KDM1B: variants seen among roughly 807,000 people sequenced by gnomAD.
The protein encoded by KDM1B is lysine demethylase 1B.
A neutral mutation model predicts 107.4 loss-of-function variants in KDM1B; 63 were observed. That is an observed-to-expected ratio of 0.59 (90% CI 0.48 to 0.72). The LOEUF (loss-of-function observed/expected upper bound fraction) is 0.72, where lower values mean the gene tolerates loss of function less well. Among genes scored for constraint, KDM1B ranks in the 30% least tolerant of loss-of-function variants. The pLI, the probability that KDM1B is intolerant of heterozygous loss-of-function variation, is 0.00. For missense variants in KDM1B, 749 were observed against 1,020.8 expected, an observed-to-expected ratio of 0.73 and a Z score of 3.63; for synonymous variants, 363 against 363.9, an observed-to-expected ratio of 1.00 and a Z score of 0.03.
At position 18,187,880 on chromosome 6, in the gene KDM1B, C is replaced by T; in HGVS notation, c.662C>T (p.Ser221Phe). ...LKDSVAAPLL[S>F]AYYPDCVGMS... ...GACAGTGTGGCAGCGCCCCTGCTGT[C>T]TGCCTACTACCCTGACTGTGTTGGC... The change falls in exon 9 of 22, where the codon TCT becomes TTT. Residue 221 changes from serine (S) to phenylalanine (F), a missense_variant. By Grantham distance (155) the Ser-to-Phe change is radical. Coordinates refer to ENST00000650836, the MANE Select transcript of KDM1B (RefSeq NM_001364614.2). 6.4e-7 allele frequency: 1 copy of T among 1,550,426 alleles called. No homozygotes were observed. The highest frequency in any genetic ancestry group is 8.7e-7 in the Non-Finnish European group (1 of 1,146,914).
chr6:18,156,778 G>C (rs533542742), intron 2 of KDM1B, among the ~76,000 whole-genome samples: 30 of 152,038 alleles, frequency 2.0e-4, no homozygotes, highest in Admixed American at 1.6e-3. Context: ...TTAGCCGGAC[G>C]TGGTGGCACA....
rs753853802 is a variant in KDM1B at position 18,185,726 on chromosome 6, A to G, written c.535-46A>G. On this transcript the variant is annotated intron_variant, in intron 7 of 21. Coordinates refer to ENST00000650836, the MANE Select transcript of KDM1B (RefSeq NM_001364614.2). ...TGAAGATAAATGGATACCTGAGACT[A>G]TATTTTATAAGCAACCCTAATTTAA... is the stretch of plus-strand genomic sequence containing the variant. 5.8e-6 allele frequency: 9 copies of G among 1,546,786 alleles called. No homozygotes were observed. In the South Asian group the frequency reaches 6.7e-5, roughly 11 times the overall value.
At position 18,201,873 on chromosome 6, in the gene KDM1B, A is replaced by G. The variant is rs913445269; in HGVS notation, c.1531+216A>G. Among the ~76,000 whole-genome samples, 6 of 152,234 alleles carry G rather than the reference A, an allele frequency of 3.9e-5. No individual in the cohort carries two copies. The highest frequency in any genetic ancestry group is 8.8e-5 in the Non-Finnish European group (6 of 68,034). On this transcript the variant is annotated intron_variant, in intron 14 of 21. Coordinates refer to ENST00000650836, the MANE Select transcript of KDM1B (RefSeq NM_001364614.2). This position sits in a 1 kb window ranked among gnomAD's most constrained non-coding sequence, Gnocchi z 4.3. ...TTGTGTTGTGTACACACACACACAC[A>G]GACCTTACTTTACACAATAGCTGGT... is the stretch of plus-strand genomic sequence containing the variant.
In KDM1B at chr6:18,201,658, G is replaced by A; in HGVS notation, c.1531+1G>A. The A allele has an allele frequency of 6.5e-7, 1 of 1,545,892 alleles. No homozygotes were observed. The highest frequency in any genetic ancestry group is 8.7e-7 in the Non-Finnish European group (1 of 1,145,316). On this transcript the variant is annotated splice_donor_variant, in intron 14 of 21. Transcript: ENST00000650836. LOFTEE classifies it high-confidence loss of function. This position sits in a 1 kb window ranked among gnomAD's most constrained non-coding sequence, Gnocchi z 4.3. ...CAGCTCCAAGATGTCCCTTTAGGAG[G>A]TATGGGGAGAACGGTGTTCTGATTG...
intron 7 of KDM1B, among the ~76,000 whole-genome samples, chr6:18,179,257 T>C (rs889115753): frequency 6.6e-5 from 10 of 152,204 alleles, no homozygotes; most frequent in Non-Finnish European, 1.5e-4. Flanking sequence ...AATCCATTTG[T>C]TTTTAATATA....
Position 18,170,997 on chromosome 6 carries a change from T to C in KDM1B, c.418-366T>C, listed in dbSNP as rs970256233. ...CACCACGCCTGGCTAACTTTTTGTA[T>C]TTTTAGTAGAGACGGGGTTTCACCG... On this transcript the variant is annotated intron_variant, in intron 6 of 21. Coordinates refer to ENST00000650836, the MANE Select transcript of KDM1B (RefSeq NM_001364614.2). 3.3e-5 allele frequency among the ~76,000 whole-genome samples: 5 copies of C among 152,044 alleles called. No individual in the cohort carries two copies. In the East Asian group the frequency reaches 9.7e-4, roughly 29 times the overall value.
chr6:18,170,981 T>G (rs1248176862), intron 6 of KDM1B, among the ~76,000 whole-genome samples: 1 of 152,024 alleles, frequency 6.6e-6, no homozygotes, highest in Admixed American at 6.6e-5. Flanking sequence ...CCACCACGCC[T>G]GGCTAACTTT....
In KDM1B at chr6:18,200,311, T is replaced by G; in HGVS notation, c.1222-128T>G. On this transcript the variant is annotated intron_variant, in intron 12 of 21. Transcript: ENST00000650836. The surrounding 1 kb of genome is among the most constrained non-coding windows in gnomAD (Gnocchi z 4.3). Reference sequence around the variant, plus strand: ...ACACTGCCTGCTTTTTAAAGTTGTTTTTTTAGAAATATTTGGAATTAACCA... The same window carrying G: ...ACACTGCCTGCTTTTTAAAGTTGTTGTTTTAGAAATATTTGGAATTAACCA... The G allele has an allele frequency of 1.0e-6, 1 of 985,560 alleles. No homozygotes were observed. Among genetic ancestry groups the G allele is most frequent in the Middle Eastern group, 3.3e-4 (1 of 3,062 alleles). 61.1% of individuals were successfully genotyped at this position (985,560 alleles called of 1,614,324 possible).
At chr6:18,198,121 C>T (rs1010639909) in intron 12 of KDM1B, among the ~76,000 whole-genome samples, 1 of 151,944 alleles carries the variant, frequency 6.6e-6, no homozygotes, top group Non-Finnish European at 1.5e-5. Flanking sequence ...GTCTTGAACT[C>T]CTGACCTCAA....
At chr6:18,161,546 A>G (rs1784972957) in intron 4 of KDM1B, 92 bp downstream of exon 4, 1 of 1,322,242 alleles carries the variant, frequency 7.6e-7, no homozygotes, top group African/African-American at 1.5e-5. Flanking sequence ...TCCTAAAGAT[A>G]GATACAGATA....
In KDM1B at chr6:18,217,734, A is replaced by G; in HGVS notation, c.2234A>G (p.Glu745Gly). Residue 745 changes from glutamate (E) to glycine (G), a missense_variant and splice_region_variant, in exon 21 of 22, where the codon GAG becomes GGG. By Grantham distance (98) the Glu-to-Gly change is moderately conservative. Transcript: ENST00000650836. Reference sequence around the variant, plus strand: ...ATAATTCCTTTCTATTGGACATAGGAGGTCCCAGATCCCACAAAGTATTTT... The same window carrying G: ...ATAATTCCTTTCTATTGGACATAGGGGGTCCCAGATCCCACAAAGTATTTT... Reference protein sequence around the residue: ...ATLRELFKEQEVPDPTKYFVT... With the variant: ...ATLRELFKEQGVPDPTKYFVT... The G allele has an allele frequency of 6.2e-7, 1 of 1,610,932 alleles. No individual in the cohort carries two copies. Among genetic ancestry groups the G allele is most frequent in the Non-Finnish European group, 8.5e-7 (1 of 1,179,028 alleles).
chr6:18,213,597 A>G lies in KDM1B; in HGVS notation c.1984-59A>G. On this transcript the variant is annotated intron_variant, in intron 18 of 21. Coordinates refer to ENST00000650836, the MANE Select transcript of KDM1B (RefSeq NM_001364614.2). This position sits in a 1 kb window ranked among gnomAD's most constrained non-coding sequence, Gnocchi z 5.9. ...TAGAGCTACAGGTTGCTGCTTAGAT[A>G]TTGCCTGTGGTTTTGTGACGACAGA... is the stretch of plus-strand genomic sequence containing the variant. 6.3e-7 allele frequency: 1 copy of G among 1,597,030 alleles called. No individual in the cohort carries two copies. Among genetic ancestry groups the G allele is most frequent in the African/African-American group, 1.3e-5 (1 of 74,610 alleles).
At chr6:18,161,522 C>G in intron 4 of KDM1B, 68 bp downstream of exon 4, 1 of 1,546,550 alleles carries the variant, frequency 6.5e-7, no homozygotes. Flanking sequence ...AAACATCATC[C>G]TTGTAGATAG....
Position 18,184,273 on chromosome 6 carries a change from C to CTTCTTTTTTTTTTTTTTT in KDM1B, c.535-1497_535-1496insCTTTTTTTTTTTTTTTTT, listed in dbSNP as rs1554144142. ...TCCTACACTATGATTGTTCTAGCTT[C>CTTCTTTTTTTTTTTTTTT]TTTTTTTTTTTTTTTTTTTGAGACG... On this transcript the variant is annotated intron_variant, in intron 7 of 21. Transcript: ENST00000650836. Among the ~76,000 whole-genome samples, 258 of 116,622 alleles carry CTTCTTTTTTTTTTTTTTT rather than the reference C, an allele frequency of 2.2e-3. 2 individuals are homozygous for CTTCTTTTTTTTTTTTTTT. Among genetic ancestry groups the CTTCTTTTTTTTTTTTTTT allele is most frequent in the Non-Finnish European group, 3.5e-3 (204 of 57,530 alleles). 76.5% of individuals were successfully genotyped at this position (116,622 alleles called of 152,430 possible). A position where few individuals can be genotyped will look rare whatever the true frequency, so the allele number is the denominator to read the frequency against.
At chr6:18,217,005 T>A (rs1290423800) in intron 20 of KDM1B, among the ~76,000 whole-genome samples, 2 of 152,158 alleles carry the variant, frequency 1.3e-5, no homozygotes, top group Non-Finnish European at 2.9e-5. Flanking sequence ...GTATCACTGT[T>A]TTGTGGAGAA....
intron 7 of KDM1B, among the ~76,000 whole-genome samples, chr6:18,175,604 T>C (rs1294275075): frequency 6.6e-6 from 1 of 152,240 alleles, no homozygotes; most frequent in Non-Finnish European, 1.5e-5. Context: ...TTTTGTAGTT[T>C]CAGGTCCTAG....
intron 5 of KDM1B, among the ~76,000 whole-genome samples, chr6:18,163,412 T>G (rs988685049): frequency 2.6e-5 from 4 of 152,190 alleles, no homozygotes; most frequent in African/African-American, 9.6e-5. Flanking sequence ...ATGTTGATTC[T>G]ATTTTATTGT....
intron 21 of KDM1B, 70 bp downstream of exon 21, chr6:18,217,955 C>A: frequency 6.6e-7 from 1 of 1,515,562 alleles, no homozygotes; most frequent in Non-Finnish European, 9.0e-7. Flanking sequence ...ATGATATCTG[C>A]CCAGAGTTTA....
At position 18,212,045 on chromosome 6, in the gene KDM1B, A is replaced by C. The variant is rs1423309764; in HGVS notation, c.1867-443A>C. ...ACTGCAAACTCCGCCTTCCAGGTTC[A>C]AGAGATTCTCCTGCCTCAGCTTCCC... On this transcript the variant is annotated intron_variant, in intron 17 of 21. Transcript: ENST00000650836. The surrounding 1 kb of genome is among the most constrained non-coding windows in gnomAD (Gnocchi z 5.2). The C allele has an allele frequency of 6.1e-6, 1 of 163,606 alleles. No homozygotes were observed. Among genetic ancestry groups the C allele is most frequent in the Non-Finnish European group, 1.3e-5 (1 of 75,908 alleles). The allele number at this position is 163,606 out of a possible 1,614,324, so 10.1% of individuals were successfully genotyped here. A position where few individuals can be genotyped will look rare whatever the true frequency, so the allele number is the denominator to read the frequency against.
Sources: allele counts gnomAD v4.1 joint callset (sites outside exome capture counted in the v4.1 genomes callset), GRCh38; gene constraint gnomAD v4.1.1; non-coding constraint Gnocchi (gnomAD v3.1); transcripts MANE v1.5; gene names NCBI Gene and HGNC (gene_info 2026-07-23, HGNC 2026-07-21).